NCAPG2: variants seen among roughly 807,000 people sequenced by gnomAD.
NCAPG2 encodes the protein condensin-2 complex subunit G2.
A neutral mutation model predicts 141.1 loss-of-function variants in NCAPG2; 53 were observed. The ratio of observed to expected loss-of-function variants is 0.38; its 90% CI spans 0.30 to 0.47. NCAPG2 has a LOEUF of 0.47. Among genes scored for constraint, NCAPG2 ranks in the 20% least tolerant of loss-of-function variants. The pLI is 0.99. For synonymous variants in NCAPG2, 499 were observed against 490.7 expected (o/e 1.02, Z -0.22); for missense variants, 1,087 against 1,389.0 (o/e 0.78, Z 3.46).
intron 8 of NCAPG2, among the ~76,000 whole-genome samples, chr7:158,684,177 C>A (rs1834615461): frequency 6.6e-6 from 1 of 152,230 alleles, no homozygotes; most frequent in African/African-American, 2.4e-5. Flanking sequence ...TGTGGGACAA[C>A]CACACATTGT....
At chr7:158,687,855 T>C (rs1265724426) in intron 6 of NCAPG2, among the ~76,000 whole-genome samples, 3 of 152,236 alleles carry the variant, frequency 2.0e-5, no homozygotes, top group South Asian at 4.1e-4. Flanking sequence ...TTCTCATTTA[T>C]AGATGAGAAA....
Position 158,652,414 on chromosome 7 carries a change from A to G in NCAPG2, c.2813T>C (p.Ile938Thr). 1 of 1,613,678 alleles carries G rather than the reference A, an allele frequency of 6.2e-7. No individual in the cohort carries two copies. The highest frequency in any genetic ancestry group is 8.5e-7 in the Non-Finnish European group (1 of 1,179,766). ...TTCTTCATCTGAATCTGTTTTCTGAATCAAGGAACTTCCAGTTATCTCTTT... is the reference window on the plus strand; with the variant it reads ...TTCTTCATCTGAATCTGTTTTCTGAGTCAAGGAACTTCCAGTTATCTCTTT... ...ILKEITGSSL[I>T]QKTDSDEEVA... is the part of the protein sequence containing the mutation. The change falls in exon 23 of 28, where the codon ATT becomes ACT. Residue 938 changes from isoleucine to threonine, a missense_variant. Coordinates refer to ENST00000356309, the MANE Select transcript of NCAPG2 (RefSeq NM_017760.7).
chr7:158,701,713 G>T, intron 2 of NCAPG2, 109 bp downstream of exon 2: 1 of 967,782 alleles, frequency 1.0e-6, no homozygotes, highest in East Asian at 2.7e-5. Flanking sequence ...AACATTGGTC[G>T]CTAAGGATTC....
In NCAPG2 at chr7:158,645,510, G is replaced by A; in HGVS notation, c.3280+9C>T. On this transcript the variant is annotated intron_variant, in intron 26 of 27. Coordinates refer to ENST00000356309, the MANE Select transcript of NCAPG2 (RefSeq NM_017760.7). The stretch of plus-strand genomic sequence containing the variant: ...CACCTTCCAGATGACAGAGGGGAAT[G>A]TAACCAACCTGCATTAATAACCAGG... 1 of 1,612,828 alleles carries A rather than the reference G, an allele frequency of 6.2e-7. No individual in the cohort carries two copies. Among genetic ancestry groups the A allele is most frequent in the East Asian group, 2.2e-5 (1 of 44,888 alleles).
At chr7:158,637,160 G>T (rs1214914215) in intron 27 of NCAPG2, among the ~76,000 whole-genome samples, 2 of 152,104 alleles carry the variant, frequency 1.3e-5, no homozygotes, top group African/African-American at 4.8e-5. Context: ...TGTTAGCCAG[G>T]ATGGTCTCGA....
At chr7:158,675,434 C>T (rs1458236766) in intron 12 of NCAPG2, 43 bp downstream of exon 12, 9 of 1,451,106 alleles carry the variant, frequency 6.2e-6, no homozygotes, top group East Asian at 2.6e-5. Flanking sequence ...TCTAATTATT[C>T]TACAACAAAT....
chr7:158,646,539 G>A lies in NCAPG2; in HGVS notation c.3100C>T (p.Pro1034Ser). 6.3e-7 allele frequency: 1 copy of A among 1,580,440 alleles called. No individual in the cohort carries two copies. The highest frequency in any genetic ancestry group is 8.5e-7 in the Non-Finnish European group (1 of 1,170,248). Reference sequence around the variant, plus strand: ...GGAAGATCAGAAAGATGCTCTGGAGGGGTAAGCTCTTCTACGTCAGAAACC... The same window carrying A: ...GGAAGATCAGAAAGATGCTCTGGAGAGGTAAGCTCTTCTACGTCAGAAACC... The part of the protein sequence containing the change: ...RKVSDVEELT[P>S]PEHLSDLPPF... Residue 1034 changes from proline to serine, a missense_variant, in exon 25 of 28, where the codon CCT becomes TCT. Pro to Ser is a moderately conservative substitution (Grantham distance 74). Coordinates refer to ENST00000356309, the MANE Select transcript of NCAPG2 (RefSeq NM_017760.7).
chr7:158,690,507 T>C (rs1159186690), intron 5 of NCAPG2, 61 bp downstream of exon 5: 6 of 1,518,246 alleles, frequency 4.0e-6, no homozygotes, highest in Admixed American at 3.4e-5. Context: ...ATCATGCCAC[T>C]GCACTCCATC....
At chr7:158,641,070 G>T (rs1830610073) in intron 27 of NCAPG2, 2 of 150,062 alleles carry the variant, frequency 1.3e-5, no homozygotes, top group South Asian at 4.2e-4. Flanking sequence ...CAACCACTAA[G>T]AAAGATAAAA....
At chr7:158,686,344 G>GT in intron 7 of NCAPG2, 103 bp from the exon 8 acceptor site, 3 of 602,704 alleles carry the variant, frequency 5.0e-6, no homozygotes, top group Non-Finnish European at 8.3e-6. Context: ...AAGAAACTCA[G>GT]TTTAAACTAG....
intron 27 of NCAPG2, among the ~76,000 whole-genome samples, chr7:158,634,439 A>G (rs1223994959): frequency 6.6e-6 from 1 of 152,204 alleles, no homozygotes; most frequent in Non-Finnish European, 1.5e-5. Context: ...AATGACAAGG[A>G]AAAGTCTGTT....
intron 27 of NCAPG2, 134 bp from the exon 28 acceptor site, chr7:158,631,851 T>C (rs2129455038): frequency 1.4e-6 from 1 of 712,414 alleles, no homozygotes; most frequent in Non-Finnish European, 2.4e-6. Flanking sequence ...AATCTATAGA[T>C]GTTTCATTAA....
In NCAPG2 at chr7:158,633,401, AC is replaced by A. The variant is rs1830006540; in HGVS notation, c.3381-1685del. Reference sequence around the variant, plus strand: ...CTTCAAAGACTCTTATTACTCACCCACCACTATCACTCTGGAAGCGCCTGGG... The same window carrying A: ...CTTCAAAGACTCTTATTACTCACCCACACTATCACTCTGGAAGCGCCTGGG... On this transcript the variant is annotated intron_variant, in intron 27 of 27. Coordinates refer to ENST00000356309, the MANE Select transcript of NCAPG2 (RefSeq NM_017760.7). The surrounding 1 kb of genome is among the most constrained non-coding windows in gnomAD (Gnocchi z 4.1). Among the ~76,000 whole-genome samples the A allele has an allele frequency of 6.6e-6, 1 of 152,186 alleles. No individual in the cohort carries two copies. The highest frequency in any genetic ancestry group is 1.5e-5 in the Non-Finnish European group (1 of 68,032).
At chr7:158,666,837 G>C (rs940274272) in intron 13 of NCAPG2, among the ~76,000 whole-genome samples, 1 of 152,122 alleles carries the variant, frequency 6.6e-6, no homozygotes, top group Non-Finnish European at 1.5e-5. Context: ...GGCCCACTGG[G>C]CTCAGCCCAG....
At chr7:158,669,465 T>A (rs1833530648) in intron 13 of NCAPG2, among the ~76,000 whole-genome samples, 1 of 152,092 alleles carries the variant, frequency 6.6e-6, no homozygotes, top group South Asian at 2.1e-4. Context: ...GTATTTTTAT[T>A]GAAATTGACA....
In NCAPG2 at chr7:158,633,916, A is replaced by C. The variant is rs1235573339; in HGVS notation, c.3381-2199T>G. On this transcript the variant is annotated intron_variant, in intron 27 of 27. Coordinates refer to ENST00000356309, the MANE Select transcript of NCAPG2 (RefSeq NM_017760.7). The surrounding 1 kb of genome is among the most constrained non-coding windows in gnomAD (Gnocchi z 4.1). ...TGGTGCACACCACCACACCCAGCAG[A>C]TTTTTTTGTATTTTTTGTAGAGATG... Among the ~76,000 whole-genome samples, 1 of 151,798 alleles carries C rather than the reference A, an allele frequency of 6.6e-6. No individual in the cohort carries two copies. Among genetic ancestry groups the C allele is most frequent in the Non-Finnish European group, 1.5e-5 (1 of 67,940 alleles).
chr7:158,658,215 G>T, intron 17 of NCAPG2, 123 bp downstream of exon 17: 1 of 749,358 alleles, frequency 1.3e-6, no homozygotes, highest in Non-Finnish European at 2.0e-6. Flanking sequence ...GGGAAGGGCA[G>T]AAGGAAGAGG....
At chr7:158,693,608 G>T in intron 2 of NCAPG2, 111 bp from the exon 3 acceptor site, 2 of 988,660 alleles carry the variant, frequency 2.0e-6, no homozygotes, top group Non-Finnish European at 2.9e-6. Context: ...AAGTTCAAGA[G>T]TTTGGTTGCA....
intron 13 of NCAPG2, among the ~76,000 whole-genome samples, chr7:158,666,905 C>A (rs946761886): frequency 1.3e-5 from 2 of 152,144 alleles, no homozygotes; most frequent in Admixed American, 6.5e-5. Flanking sequence ...ACTCTCAATC[C>A]TTCTAGAGCT....
Sources: allele counts gnomAD v4.1 joint callset (sites outside exome capture counted in the v4.1 genomes callset), GRCh38; gene constraint gnomAD v4.1.1; non-coding constraint Gnocchi (gnomAD v3.1); transcripts MANE v1.5; gene names NCBI Gene and HGNC (gene_info 2026-07-23, HGNC 2026-07-21).